Variants in TOGARAM1 observed in about 807,000 individuals in gnomAD.
TOGARAM1 encodes the protein TOG array regulator of axonemal microtubules 1, also known as TOG array regulator of axonemal microtubules protein 1.
A neutral mutation model predicts 166.6 loss-of-function variants in TOGARAM1; 100 were observed. The observed-to-expected ratio is 0.60, with a 90% CI of 0.51 to 0.71. TOGARAM1 has a LOEUF of 0.71. TOGARAM1 is among the 30% of genes least tolerant of loss of function. The probability of loss-of-function intolerance (pLI) is 0.00; values close to 1 mark genes in which losing one functional copy is unlikely to be tolerated. For synonymous variants in TOGARAM1, 758 were observed against 763.8 expected (o/e 0.99, Z 0.13); for missense variants, 2,029 against 2,102.7 (o/e 0.96, Z 0.69).
chr14:44,990,089 A>G (rs1887049186), intron 1 of TOGARAM1, among the ~76,000 whole-genome samples: 2 of 152,220 alleles, frequency 1.3e-5, no homozygotes, highest in Non-Finnish European at 2.9e-5. Flanking sequence ...TGTGGGGATT[A>G]TGAGGATTAC....
intron 7 of TOGARAM1, among the ~76,000 whole-genome samples, chr14:45,018,104 A>G (rs1469712037): frequency 2.0e-5 from 3 of 152,172 alleles, no homozygotes; most frequent in South Asian, 2.1e-4. Context: ...TTTTAACTGC[A>G]TACTCCTTTT....
intron 18 of TOGARAM1, among the ~76,000 whole-genome samples, chr14:45,069,205 C>T (rs1883271275): frequency 6.6e-6 from 1 of 151,856 alleles, no homozygotes; most frequent in African/African-American, 2.4e-5. Flanking sequence ...CCCATCTCTA[C>T]TATAAATACA....
intron 1 of TOGARAM1, among the ~76,000 whole-genome samples, chr14:44,984,862 A>G (rs1004904984): frequency 1.3e-5 from 2 of 152,180 alleles, no homozygotes; most frequent in South Asian, 2.1e-4. Flanking sequence ...TGGGCAAAGC[A>G]TATCGATTAC....
intron 16 of TOGARAM1, among the ~76,000 whole-genome samples, chr14:45,055,136 C>A (rs1387163458): frequency 6.6e-6 from 1 of 152,124 alleles, no homozygotes; most frequent in East Asian, 1.9e-4. Context: ...TTTACATAGA[C>A]CAATGTCCAG....
intron 16 of TOGARAM1, among the ~76,000 whole-genome samples, chr14:45,059,111 T>G (rs1882783000): frequency 6.6e-6 from 1 of 152,096 alleles, no homozygotes; most frequent in Non-Finnish European, 1.5e-5. Context: ...TTTACTTCAT[T>G]TTGAGACAAG....
rs1400308040 is a variant in TOGARAM1, at chr14:44,980,202, T to C, written c.2047-15544T>C. On this transcript the variant is annotated intron_variant, in intron 1 of 19. Transcript: ENST00000361462. ...CTTGGCCAGGCTCTCTGCTTTAACA[T>C]TTACAGTCCACTGTTAATCTGTTAT... 3.3e-5 allele frequency among the ~76,000 whole-genome samples: 5 copies of C among 152,304 alleles called. No individual in the cohort carries two copies. In the East Asian group the frequency reaches 9.6e-4, roughly 29 times the overall value.
intron 1 of TOGARAM1, among the ~76,000 whole-genome samples, chr14:44,977,661 C>CA (rs1886283558): frequency 1.3e-5 from 2 of 151,682 alleles, no homozygotes; most frequent in African/African-American, 4.8e-5. Flanking sequence ...TTTTTTGAAA[C>CA]AGAGTCTCAC....
chr14:45,051,429 T>C (rs1043533909), intron 14 of TOGARAM1, among the ~76,000 whole-genome samples: 6 of 152,138 alleles, frequency 3.9e-5, no homozygotes, highest in African/African-American at 1.2e-4. Context: ...AATGCCAGCA[T>C]TGATATGGAC....
intron 11 of TOGARAM1, among the ~76,000 whole-genome samples, chr14:45,039,203 G>C (rs1042920191): frequency 1.1e-4 from 16 of 152,148 alleles, no homozygotes; most frequent in Non-Finnish European, 1.6e-4. Flanking sequence ...ACCCTTAGAG[G>C]GTAGCTTTTC....
At chr14:45,034,477 G>A (rs751828068) in intron 11 of TOGARAM1, among the ~76,000 whole-genome samples, 1 of 152,088 alleles carries the variant, frequency 6.6e-6, no homozygotes, top group Non-Finnish European at 1.5e-5. Flanking sequence ...ACAACTGGTC[G>A]GGGCATGCAT....
At chr14:45,006,459 A>G (rs1273941041) in intron 5 of TOGARAM1, 192 bp downstream of exon 5, 6 of 477,598 alleles carry the variant, frequency 1.3e-5, no homozygotes, top group African/African-American at 1.2e-4. Flanking sequence ...CACTACCAGA[A>G]TAATTTACTG....
intron 16 of TOGARAM1, among the ~76,000 whole-genome samples, chr14:45,055,092 T>C (rs1236662732): frequency 6.6e-6 from 1 of 152,050 alleles, no homozygotes; most frequent in Non-Finnish European, 1.5e-5. Context: ...GTGGTTTTTG[T>C]TACCTGTGAT....
chr14:45,010,108 G>A (rs1032696070), intron 6 of TOGARAM1, among the ~76,000 whole-genome samples: 7 of 152,066 alleles, frequency 4.6e-5, no homozygotes, highest in African/African-American at 1.4e-4. Context: ...TTTCACTTTA[G>A]TGAATTGGAA....
chr14:45,037,049 GC>G (rs545418226), intron 11 of TOGARAM1, among the ~76,000 whole-genome samples: 2 of 152,036 alleles, frequency 1.3e-5, no homozygotes, highest in African/African-American at 2.4e-5. Flanking sequence ...GGAAAGACTG[GC>G]CCCCATGATT....
intron 11 of TOGARAM1, among the ~76,000 whole-genome samples, chr14:45,043,437 A>G (rs1881827140): frequency 6.6e-6 from 1 of 152,100 alleles, no homozygotes; most frequent in Non-Finnish European, 1.5e-5. Flanking sequence ...CGGCCTCCCA[A>G]AGTGCTGGTA....
intron 5 of TOGARAM1, among the ~76,000 whole-genome samples, chr14:45,008,342 G>A (rs1879586338): frequency 6.6e-6 from 1 of 151,022 alleles, no homozygotes; most frequent in South Asian, 2.1e-4. Flanking sequence ...AGGTTCAAGC[G>A]ATTCTTGTGC....
intron 16 of TOGARAM1, among the ~76,000 whole-genome samples, chr14:45,056,358 A>AT (rs1419378270): frequency 6.6e-6 from 1 of 151,716 alleles, no homozygotes; most frequent in African/African-American, 2.4e-5. Flanking sequence ...GGTGCCTTTT[A>AT]TTTTTTTCTC....
At chr14:45,045,646 TAC>T (rs1406408466) in intron 13 of TOGARAM1, among the ~76,000 whole-genome samples, 2 of 120,998 alleles carry the variant, frequency 1.7e-5, no homozygotes, top group African/African-American at 6.2e-5. Flanking sequence ...TACATATATA[TAC>T]ATATATACAC....
intron 10 of TOGARAM1, among the ~76,000 whole-genome samples, chr14:45,028,660 A>G (rs985434985): frequency 6.6e-6 from 1 of 152,146 alleles, no homozygotes; most frequent in African/African-American, 2.4e-5. Context: ...TCATGATCCA[A>G]AAAGGCCATT....
Sources: gnomAD v4.1 joint callset for allele counts (sites outside exome capture counted in the v4.1 genomes callset) on GRCh38, gnomAD v4.1.1 for gene constraint, MANE v1.5 for transcripts, NCBI Gene and HGNC (gene_info 2026-07-23, HGNC 2026-07-21) for gene names.